PARD3B: variants seen among roughly 807,000 people sequenced by gnomAD.
The protein encoded by PARD3B is par-3 family cell polarity regulator beta.
PARD3B carries 103 observed loss-of-function variants against 130.2 expected under a neutral mutation model. The observed-to-expected ratio is 0.79, with a 90% confidence interval of 0.67 to 0.93. The LOEUF (loss-of-function observed/expected upper bound fraction) is 0.93. Ranked by LOEUF, PARD3B falls within the 40% of genes least tolerant of loss-of-function variation. The pLI is 0.00. For missense variants in PARD3B, 1,609 were observed against 1,499.2 expected, an observed-to-expected ratio of 1.07 and a Z score of -1.21; for synonymous variants, 583 against 553.2, an observed-to-expected ratio of 1.05 and a Z score of -0.76.
At chr2:205,368,713 T>A (rs1466413638) in intron 18 of PARD3B, among the ~76,000 whole-genome samples, 1 of 152,150 alleles carries the variant, frequency 6.6e-6, no homozygotes, top group African/African-American at 2.4e-5. Flanking sequence ...AACGTTATCA[T>A]TGTGATCTTA....
At chr2:205,515,745 T>C (rs896893770) in intron 21 of PARD3B, among the ~76,000 whole-genome samples, 3 of 152,190 alleles carry the variant, frequency 2.0e-5, no homozygotes, top group African/African-American at 7.2e-5. Flanking sequence ...ATTCTGTAGG[T>C]TGTATGTTTA....
rs2044531574 is a variant in PARD3B at position 205,364,658 on chromosome 2, T to C, written c.2631-36355T>C. Among the ~76,000 whole-genome samples, 4 of 152,318 alleles carry C rather than the reference T, an allele frequency of 2.6e-5. No individual in the cohort carries two copies. The South Asian group carries it at 8.3e-4, about 32-fold the overall frequency. On this transcript the variant is annotated intron_variant, in intron 18 of 22. Transcript: ENST00000406610. ...GTGATTTTTATTGACAATTGGAGTA[T>C]GCTTAAATGAAGTGTGTGGATGCCT...
chr2:205,266,965 C>T (rs1441254504), intron 16 of PARD3B, among the ~76,000 whole-genome samples: 1 of 152,048 alleles, frequency 6.6e-6, no homozygotes, highest in African/African-American at 2.4e-5. Flanking sequence ...CGATCTCATC[C>T]TCAATCTTAA....
intron 20 of PARD3B, among the ~76,000 whole-genome samples, chr2:205,442,642 C>T (rs1223811650): frequency 6.6e-6 from 1 of 152,108 alleles, no homozygotes; most frequent in Admixed American, 6.5e-5. Context: ...GCCTAATATG[C>T]TGACATGCAT....
rs192908170 is a variant in PARD3B at position 205,319,608 on chromosome 2, C to T, written c.2630+17907C>T. On this transcript the variant is annotated intron_variant, in intron 18 of 22. Transcript: ENST00000406610. Reference sequence around the variant, plus strand: ...TGTGCTTTTGTGTGATTTTCCTCGCCATTTTTCATCCTGGTTAGTGGGACT... The same window carrying T: ...TGTGCTTTTGTGTGATTTTCCTCGCTATTTTTCATCCTGGTTAGTGGGACT... 1.9e-4 allele frequency among the ~76,000 whole-genome samples: 29 copies of T among 152,274 alleles called. No individual in the cohort carries two copies. In the East Asian group the frequency reaches 5.2e-3, roughly 27 times the overall value.
chr2:204,635,238 C>T (rs1412641363), intron 1 of PARD3B, among the ~76,000 whole-genome samples: 1 of 152,058 alleles, frequency 6.6e-6, no homozygotes, highest in East Asian at 1.9e-4. Context: ...ACTTTTCCTC[C>T]CCCGGACGAG....
At chr2:205,129,640 T>G (rs1388876889) in intron 10 of PARD3B, among the ~76,000 whole-genome samples, 1 of 152,230 alleles carries the variant, frequency 6.6e-6, no homozygotes, top group Non-Finnish European at 1.5e-5. Context: ...TCTAAGAAAC[T>G]GTCCTCTTTT....
At chr2:204,893,572 A>C (rs186881102) in intron 2 of PARD3B, among the ~76,000 whole-genome samples, 95 of 152,352 alleles carry the variant, frequency 6.2e-4, no homozygotes, top group African/African-American at 2.2e-3. Flanking sequence ...TAGTAGCCTC[A>C]TTCAAATGTG....
chr2:205,121,621 A>G lies in PARD3B; in HGVS notation c.837A>G (p.Lys279=). Residue 279 remains lysine (K), a synonymous_variant, in exon 8 of 23, where the codon AAA becomes AAG. Coordinates refer to ENST00000406610, the MANE Select transcript of PARD3B (RefSeq NM_001302769.2). This position sits in a 1 kb window ranked among gnomAD's most constrained non-coding sequence, Gnocchi z 5.0. ...AAGATGTCTTCCGCCAGGCAATGAA[A>G]TCTCCAAGTGTGCTCCTCCACGTGC... is the stretch of plus-strand genomic sequence containing the variant. The part of the protein sequence containing the change: ...QAQDVFRQAM[K]SPSVLLHVLP... The G allele has an allele frequency of 6.2e-7, 1 of 1,613,328 alleles. No homozygotes were observed. The highest frequency in any genetic ancestry group is 8.5e-7 in the Non-Finnish European group (1 of 1,179,366).
intron 2 of PARD3B, among the ~76,000 whole-genome samples, chr2:204,813,055 A>G (rs534010809): frequency 2.0e-5 from 3 of 152,278 alleles, no homozygotes; most frequent in Non-Finnish European, 4.4e-5. Context: ...ATGAACCTAT[A>G]CTTTTATTTC....
At chr2:204,593,942 T>C (rs953040498) in intron 1 of PARD3B, among the ~76,000 whole-genome samples, 6 of 152,290 alleles carry the variant, frequency 3.9e-5, no homozygotes, top group South Asian at 2.1e-4. Flanking sequence ...TCCACAGTTG[T>C]GTCTTGACTG....
chr2:204,925,758 C>T (rs923002968), intron 2 of PARD3B, among the ~76,000 whole-genome samples: 1 of 151,958 alleles, frequency 6.6e-6, no homozygotes, highest in African/African-American at 2.4e-5. Flanking sequence ...GCTCTGTGTC[C>T]CCACCCAAAT....
chr2:204,678,242 CA>C lies in PARD3B; in HGVS notation c.121-7938del, dbSNP rs2125225984. 6.6e-6 allele frequency among the ~76,000 whole-genome samples: 1 copy of C among 152,212 alleles called. No individual in the cohort carries two copies. The highest frequency in any genetic ancestry group is 1.5e-5 in the Non-Finnish European group (1 of 68,024). On this transcript the variant is annotated intron_variant, in intron 1 of 22. Coordinates refer to ENST00000406610, the MANE Select transcript of PARD3B (RefSeq NM_001302769.2). This position sits in a 1 kb window ranked among gnomAD's most constrained non-coding sequence, Gnocchi z 4.2. ...CTTTAGGTGCTGGCAGGACCAAACCCAGTAACCGGGCCCGTGGTAGCAATCA... is the reference window on the plus strand; with the variant it reads ...CTTTAGGTGCTGGCAGGACCAAACCCGTAACCGGGCCCGTGGTAGCAATCA...
intron 18 of PARD3B, among the ~76,000 whole-genome samples, chr2:205,353,699 T>C (rs959624815): frequency 1.3e-5 from 2 of 152,230 alleles, no homozygotes; most frequent in African/African-American, 4.8e-5. Context: ...CCCACCATCC[T>C]GCAGCTAGAA....
At chr2:204,839,408 A>G (rs749602702) in intron 2 of PARD3B, among the ~76,000 whole-genome samples, 17 of 152,198 alleles carry the variant, frequency 1.1e-4, no homozygotes, top group Non-Finnish European at 1.8e-4. Context: ...TAAGTATTAT[A>G]TATGTAAACC....
chr2:204,757,931 A>G (rs1426272265), intron 2 of PARD3B, among the ~76,000 whole-genome samples: 2 of 152,188 alleles, frequency 1.3e-5, no homozygotes, highest in Admixed American at 6.6e-5. Flanking sequence ...TTTAAGGAGT[A>G]AATGTAAAGT....
At position 205,366,322 on chromosome 2, in the gene PARD3B, A is replaced by G. The variant is rs1176093925; in HGVS notation, c.2631-34691A>G. Among the ~76,000 whole-genome samples the G allele has an allele frequency of 1.3e-5, 2 of 152,220 alleles. No homozygotes were observed. The highest frequency in any genetic ancestry group is 2.9e-5 in the Non-Finnish European group (2 of 68,042). On this transcript the variant is annotated intron_variant, in intron 18 of 22. Coordinates refer to ENST00000406610, the MANE Select transcript of PARD3B (RefSeq NM_001302769.2). The surrounding 1 kb of genome is among the most constrained non-coding windows in gnomAD (Gnocchi z 5.0). ...AATAACCTCAATAGACTAATAATCA[A>G]GTGTTGACTCAGCTCTCAAATTTGC... is the stretch of plus-strand genomic sequence containing the variant.
chr2:205,475,304 A>G (rs544880875), intron 20 of PARD3B, among the ~76,000 whole-genome samples: 239 of 152,226 alleles, frequency 1.6e-3, no homozygotes, highest in African/African-American at 5.5e-3. Flanking sequence ...TCCCATCAGC[A>G]TGTGTTGCAA....
intron 15 of PARD3B, among the ~76,000 whole-genome samples, chr2:205,221,395 G>A (rs556516626): frequency 6.6e-6 from 1 of 152,168 alleles, no homozygotes; most frequent in African/African-American, 2.4e-5. Flanking sequence ...TACGAAAAAC[G>A]ACTTCAGGAT....
Sources: gnomAD v4.1 joint callset for allele counts (sites outside exome capture counted in the v4.1 genomes callset) on GRCh38, gnomAD v4.1.1 for gene constraint, Gnocchi (gnomAD v3.1) non-coding constraint, MANE v1.5 for transcripts, NCBI Gene and HGNC (gene_info 2026-07-23, HGNC 2026-07-21) for gene names.